The following SHOC1 variants were observed in gnomAD, a reference collection of about 807,000 sequenced individuals.
The protein encoded by SHOC1 is protein shortage in chiasmata 1 ortholog.
Under a neutral mutation model 179.2 loss-of-function variants are expected in SHOC1, and 136 were observed. The observed-to-expected ratio is 0.76, with a 90% CI of 0.66 to 0.87. The LOEUF (loss-of-function observed/expected upper bound fraction) is 0.87. Among genes scored for constraint, SHOC1 ranks in the 40% least tolerant of loss-of-function variants. The pLI, the probability that SHOC1 is intolerant of heterozygous loss-of-function variation, is 0.00. For synonymous variants in SHOC1, 489 were observed against 586.6 expected (o/e 0.83, Z 2.41); for missense variants, 1,538 against 1,700.8 (o/e 0.90, Z 1.68).
At chr9:111,709,211 G>A (rs908844401) in intron 18 of SHOC1, among the ~76,000 whole-genome samples, 11 of 152,276 alleles carry the variant, frequency 7.2e-5, no homozygotes, top group South Asian at 2.1e-4. Flanking sequence ...GCATGGTGGC[G>A]CAGGCCTGTA....
chr9:111,745,043 G>A lies in SHOC1; in HGVS notation c.1079+1191C>T, dbSNP rs550835432. 1.8e-3 allele frequency among the ~76,000 whole-genome samples: 277 copies of A among 152,290 alleles called. 2 individuals carry two copies. The highest frequency in any genetic ancestry group is 0.017 in the Middle Eastern group (5 of 294). On this transcript the variant is annotated intron_variant, in intron 10 of 27. Coordinates refer to ENST00000682961, the MANE Select transcript of SHOC1 (RefSeq NM_001378211.1). ...GAACAAGTTTACGAATCAAGCCTTG[G>A]TTCTGTATGTCTGGTCCACCCATTA...
At chr9:111,723,693 G>T in intron 14 of SHOC1, 99 bp downstream of exon 14, 1 of 1,184,516 alleles carries the variant, frequency 8.4e-7, no homozygotes, top group Non-Finnish European at 1.2e-6. Context: ...TGAAACAAGT[G>T]AAGAAAATGA....
chr9:111,770,750 C>T (rs188063499), intron 5 of SHOC1, among the ~76,000 whole-genome samples: 63 of 152,238 alleles, frequency 4.1e-4, no homozygotes, highest in African/African-American at 1.5e-3. Flanking sequence ...GTTATACCCT[C>T]TTGCTTAATT....
intron 4 of SHOC1, among the ~76,000 whole-genome samples, chr9:111,776,653 G>T (rs2131620124): frequency 6.6e-6 from 1 of 152,324 alleles, no homozygotes; most frequent in Middle Eastern, 3.4e-3. Flanking sequence ...AGGTGAGGGA[G>T]ACAGGTTGGA....
At chr9:111,691,010 A>G (rs941748061) in intron 27 of SHOC1, among the ~76,000 whole-genome samples, 1 of 152,228 alleles carries the variant, frequency 6.6e-6, no homozygotes, top group African/African-American at 2.4e-5. Context: ...GAAAAGCTAG[A>G]ATCACTAGAA....
chr9:111,769,975 G>GTTTTTTTTTTTTTTTTTTTT, intron 5 of SHOC1, among the ~76,000 whole-genome samples: 2 of 87,794 alleles, frequency 2.3e-5, no homozygotes, highest in South Asian at 4.0e-4. Flanking sequence ...TTTATCTTCT[G>GTTTTTTTTTTTTTTTTTTTT]TTTTTTTTTT....
rs1564171216 is a variant in SHOC1 at position 111,785,282 on chromosome 9, A to G, written c.169+630T>C. On this transcript the variant is annotated intron_variant, in intron 3 of 27. Transcript: ENST00000682961. The stretch of plus-strand genomic sequence containing the variant: ...CTACTCCCGCAATTTCATATCACTT[A>G]GCATTACTGTCTCTTCTCTATACAT... Among the ~76,000 whole-genome samples the G allele has an allele frequency of 3.9e-5, 6 of 152,300 alleles. No individual in the cohort carries two copies. In the South Asian group the frequency reaches 1.2e-3, roughly 32 times the overall value.
intron 15 of SHOC1, among the ~76,000 whole-genome samples, chr9:111,720,552 CTT>C (rs1832987227): frequency 6.6e-6 from 1 of 152,176 alleles, no homozygotes; most frequent in Admixed American, 6.5e-5. Context: ...CATTTACTCT[CTT>C]TTCTCCTCTC....
At chr9:111,725,386 G>C (rs910851208) in intron 13 of SHOC1, among the ~76,000 whole-genome samples, 1 of 152,170 alleles carries the variant, frequency 6.6e-6, no homozygotes, top group Non-Finnish European at 1.5e-5. Context: ...TAAAGGCTAA[G>C]TTGGGGAATA....
At chr9:111,743,500 T>A (rs944196044) in intron 10 of SHOC1, among the ~76,000 whole-genome samples, 1 of 152,186 alleles carries the variant, frequency 6.6e-6, no homozygotes, top group Non-Finnish European at 1.5e-5. Flanking sequence ...ACTCACTACC[T>A]GCCCATTAGT....
chr9:111,727,512 G>A, intron 13 of SHOC1, 121 bp downstream of exon 13: 3 of 862,790 alleles, frequency 3.5e-6, no homozygotes, highest in Non-Finnish European at 1.6e-6. Flanking sequence ...CATTTTCCTT[G>A]ACTACAAAAA....
rs1554724113 is a variant in SHOC1 at position 111,781,750 on chromosome 9, A to AATTAATTAATTAATTAATTAATT, written c.170-734_170-733insAATTAATTAATTAATTAATTAAT. On this transcript the variant is annotated intron_variant, in intron 3 of 27. Transcript: ENST00000682961. The stretch of plus-strand genomic sequence containing the variant: ...TAAATAAATAAATAAATAAATAAAT[A>AATTAATTAATTAATTAATTAATT]AATTTGTATGTGTACATAGCTTATC... Among the ~76,000 whole-genome samples the AATTAATTAATTAATTAATTAATT allele has an allele frequency of 6.5e-3, 988 of 150,990 alleles. 3 individuals carry two copies. The highest frequency in any genetic ancestry group is 0.012 in the South Asian group (58 of 4,762).
chr9:111,758,207 AT>A lies in SHOC1; in HGVS notation c.597-13del, dbSNP rs774932974. On this transcript the variant is annotated splice_polypyrimidine_tract_variant and intron_variant, in intron 6 of 27. Coordinates refer to ENST00000682961, the MANE Select transcript of SHOC1 (RefSeq NM_001378211.1). The stretch of plus-strand genomic sequence containing the variant: ...GAGAGAAACATTCCCTTAAAAAAAA[AT>A]ACATTAATTAGTGTTTACTAAAAGC... The A allele has an allele frequency of 7.1e-7, 1 of 1,415,468 alleles. No homozygotes were observed. The highest frequency in any genetic ancestry group is 2.3e-5 in the East Asian group (1 of 43,296). The allele number at this position is 1,415,468 out of a possible 1,614,324, so 87.7% of individuals were successfully genotyped here.
intron 5 of SHOC1, among the ~76,000 whole-genome samples, chr9:111,768,210 CTGATTTT>C (rs1835427230): frequency 6.7e-6 from 1 of 150,214 alleles, no homozygotes; most frequent in African/African-American, 2.4e-5. Flanking sequence ...ATAAATGCTA[CTGATTTT>C]TGTATGTTAA....
At chr9:111,777,380 T>C (rs937798915) in intron 4 of SHOC1, among the ~76,000 whole-genome samples, 16 of 152,302 alleles carry the variant, frequency 1.1e-4, no homozygotes, top group African/African-American at 3.1e-4. Context: ...CTATTATCAA[T>C]TTTGTTTCAG....
chr9:111,787,976 T>A (rs1388900196), intron 2 of SHOC1, among the ~76,000 whole-genome samples: 1 of 151,976 alleles, frequency 6.6e-6, no homozygotes, highest in African/African-American at 2.4e-5. Flanking sequence ...TTTTTAGCAA[T>A]AAAGTATTTT....
Position 111,704,064 on chromosome 9 carries a change from C to T in SHOC1, c.2856-72G>A, listed in dbSNP as rs1832128295. On this transcript the variant is annotated intron_variant, in intron 21 of 27. Coordinates refer to ENST00000682961, the MANE Select transcript of SHOC1 (RefSeq NM_001378211.1). ...ATTATTTAAGAAAAGTTGTAGTTCC[C>T]TCCTGCATGTTAAGTTATTTGGATT... is the stretch of plus-strand genomic sequence containing the variant. 1.5e-5 allele frequency: 10 copies of T among 680,056 alleles called. No homozygotes were observed. The Admixed American group carries it at 2.7e-4, about 18-fold the overall frequency. The allele number at this position is 680,056 out of a possible 1,614,324, so 42.1% of individuals were successfully genotyped here. A position where few individuals can be genotyped will look rare whatever the true frequency, so the allele number is the denominator to read the frequency against.
chr9:111,722,070 TTTAA>T (rs1297118743), intron 15 of SHOC1, among the ~76,000 whole-genome samples: 1 of 152,254 alleles, frequency 6.6e-6, no homozygotes, highest in Non-Finnish European at 1.5e-5. Context: ...TAGGATTGAC[TTTAA>T]TTAATCTAGT....
At chr9:111,711,763 T>A (rs982094407) in intron 18 of SHOC1, among the ~76,000 whole-genome samples, 3 of 152,198 alleles carry the variant, frequency 2.0e-5, no homozygotes, top group African/African-American at 7.2e-5. Flanking sequence ...AAAAGATTGT[T>A]AAGACGTCTT....
Sources: gnomAD v4.1 joint callset for allele counts (sites outside exome capture counted in the v4.1 genomes callset) on GRCh38, gnomAD v4.1.1 for gene constraint, MANE v1.5 for transcripts, NCBI Gene and HGNC (gene_info 2026-07-23, HGNC 2026-07-21) for gene names.